The following CNOT10 variants were observed in gnomAD, a reference collection of about 807,000 sequenced individuals.
The protein encoded by CNOT10 is CCR4-NOT transcription complex, subunit 10.
In CNOT10, 30 loss-of-function variants were observed where a neutral mutation model predicts 94.6. The ratio of observed to expected loss-of-function variants is 0.32; its 90% confidence interval spans 0.24 to 0.43. CNOT10 has a LOEUF of 0.43. CNOT10 is among the 20% of genes least tolerant of loss of function. CNOT10 has a pLI of 1.00. For synonymous variants in CNOT10, 289 were observed against 301.6 expected (o/e 0.96, Z 0.43); for missense variants, 759 against 877.2 (o/e 0.87, Z 1.70).
chr3:32,761,788 C>A (rs1403624504), intron 14 of CNOT10, among the ~76,000 whole-genome samples: 1 of 146,134 alleles, frequency 6.8e-6, no homozygotes, highest in Non-Finnish European at 1.5e-5. Context: ...CCGCACCTGG[C>A]TACTTTTTGT....
chr3:32,726,491 G>A (rs560280639), intron 9 of CNOT10, among the ~76,000 whole-genome samples: 5 of 152,014 alleles, frequency 3.3e-5, no homozygotes, highest in Non-Finnish European at 5.9e-5. Flanking sequence ...TCAGGAGATC[G>A]AGACCATCCT....
chr3:32,716,809 C>G (rs186355474), intron 6 of CNOT10, among the ~76,000 whole-genome samples: 1 of 152,014 alleles, frequency 6.6e-6, no homozygotes, highest in Non-Finnish European at 1.5e-5. Flanking sequence ...TCACCACACC[C>G]GGATAATTTT....
intron 13 of CNOT10, among the ~76,000 whole-genome samples, chr3:32,743,687 G>A (rs981490423): frequency 6.6e-6 from 1 of 152,072 alleles, no homozygotes; most frequent in African/African-American, 2.4e-5. Flanking sequence ...TTAAACATCT[G>A]CAGAGTTGTG....
intron 1 of CNOT10, among the ~76,000 whole-genome samples, chr3:32,700,245 G>A (rs1697277323): frequency 6.6e-6 from 1 of 152,058 alleles, no homozygotes; most frequent in African/African-American, 2.4e-5. Context: ...CAAAGTGCTG[G>A]GATTACAGGC....
intron 14 of CNOT10, among the ~76,000 whole-genome samples, chr3:32,762,251 CAGG>C (rs1700483008): frequency 6.7e-6 from 1 of 149,066 alleles, no homozygotes; most frequent in South Asian, 2.1e-4. Flanking sequence ...ATCACGAGAT[CAGG>C]AGATCGATCT....
intron 8 of CNOT10, among the ~76,000 whole-genome samples, chr3:32,723,279 G>A (rs1698504382): frequency 6.6e-6 from 1 of 151,912 alleles, no homozygotes; most frequent in Non-Finnish European, 1.5e-5. Context: ...TGTAGTCCCA[G>A]CTACTCAGGA....
At chr3:32,703,085 T>TA in intron 1 of CNOT10, among the ~76,000 whole-genome samples, 1 of 149,322 alleles carries the variant, frequency 6.7e-6, no homozygotes, top group South Asian at 2.1e-4. Flanking sequence ...CTAATTTTTT[T>TA]TTTTTTTTTT....
At chr3:32,696,894 C>A (rs936447337) in intron 1 of CNOT10, among the ~76,000 whole-genome samples, 1 of 151,926 alleles carries the variant, frequency 6.6e-6, no homozygotes, top group African/African-American at 2.4e-5. Context: ...ATATATTTAT[C>A]TTAAATTGGC....
chr3:32,712,388 T>C (rs889788691), intron 4 of CNOT10, among the ~76,000 whole-genome samples: 1 of 152,132 alleles, frequency 6.6e-6, no homozygotes, highest in Admixed American at 6.5e-5. Context: ...AGGTGCAGAT[T>C]GAGTATCCCT....
chr3:32,730,490 A>G (rs1322013615), intron 10 of CNOT10: 1 of 152,168 alleles, frequency 6.6e-6, no homozygotes, highest in Non-Finnish European at 1.5e-5. Flanking sequence ...CTAATAGGAA[A>G]CTTGCCACCA....
chr3:32,741,763 C>T (rs772794744), intron 13 of CNOT10, among the ~76,000 whole-genome samples: 15 of 126,408 alleles, frequency 1.2e-4, no homozygotes, highest in Non-Finnish European at 2.2e-4. Flanking sequence ...AGCGAGACTC[C>T]GTCTCAAAAA....
chr3:32,714,797 T>A (rs1367899169), intron 5 of CNOT10, among the ~76,000 whole-genome samples: 1 of 152,220 alleles, frequency 6.6e-6, no homozygotes, highest in Non-Finnish European at 1.5e-5. Flanking sequence ...ATCCTGGGTC[T>A]CATGTTTTTC....
chr3:32,746,956 G>T (rs1421687893), intron 13 of CNOT10, among the ~76,000 whole-genome samples: 3 of 150,790 alleles, frequency 2.0e-5, no homozygotes, highest in Admixed American at 1.3e-4. Context: ...AAATATAGAT[G>T]AATATAGCTG....
At chr3:32,735,489 C>G (rs926631958) in intron 12 of CNOT10, among the ~76,000 whole-genome samples, 1 of 152,174 alleles carries the variant, frequency 6.6e-6, no homozygotes, top group African/African-American at 2.4e-5. Flanking sequence ...GGGTAGATCA[C>G]TTGAGGTTAG....
chr3:32,716,111 C>T (rs983427295), intron 5 of CNOT10, 114 bp from the exon 6 acceptor site: 1 of 539,296 alleles, frequency 1.9e-6, no homozygotes, highest in Non-Finnish European at 3.2e-6. Context: ...CCCACAAATT[C>T]TACATTTTGA....
intron 3 of CNOT10, 150 bp from the exon 4 acceptor site, chr3:32,708,520 A>G (rs957665158): frequency 1.6e-6 from 1 of 623,548 alleles, no homozygotes; most frequent in Non-Finnish European, 2.7e-6. Flanking sequence ...AGTATGTGAG[A>G]GTAATTAAAA....
intron 4 of CNOT10, among the ~76,000 whole-genome samples, chr3:32,710,941 T>A (rs1252980005): frequency 2.0e-5 from 3 of 152,142 alleles, no homozygotes; most frequent in Non-Finnish European, 1.5e-5. Context: ...AGGCTGGTCT[T>A]GAACTCCTGG....
In CNOT10 at chr3:32,707,646, A is replaced by G. The variant is rs763129048; in HGVS notation, c.280-1024A>G. Reference sequence around the variant, plus strand: ...TGGTGAAACCCCATCTCTACTAAAAATACAAAATTAGCCAGGTGTTGTGGT... The same window carrying G: ...TGGTGAAACCCCATCTCTACTAAAAGTACAAAATTAGCCAGGTGTTGTGGT... On this transcript the variant is annotated intron_variant, in intron 3 of 18. Coordinates refer to ENST00000328834, the MANE Select transcript of CNOT10 (RefSeq NM_015442.3). Among the ~76,000 whole-genome samples the G allele has an allele frequency of 8.9e-4, 135 of 152,214 alleles. 2 individuals are homozygous for G. The highest frequency in any genetic ancestry group is 1.0e-3 in the Non-Finnish European group (69 of 68,000).
chr3:32,725,439 AT>A lies in CNOT10; in HGVS notation c.863-4del. The A allele has an allele frequency of 6.2e-7, 1 of 1,611,744 alleles. No individual in the cohort carries two copies. Among genetic ancestry groups the A allele is most frequent in the Non-Finnish European group, 8.5e-7 (1 of 1,178,604 alleles). On this transcript the variant is annotated splice_polypyrimidine_tract_variant and intron_variant, in intron 8 of 18. Transcript: ENST00000328834. ...TTTTTCTGTGGACAAATTTATTTGC[AT>A]TTTTTTCAGGTGAATGCTTGAGATG...
Sources: allele counts gnomAD v4.1 joint callset (sites outside exome capture counted in the v4.1 genomes callset), GRCh38; gene constraint gnomAD v4.1.1; transcripts MANE v1.5; gene names NCBI Gene and HGNC (gene_info 2026-07-23, HGNC 2026-07-21).